DAB1: variants seen among roughly 807,000 people sequenced by gnomAD.
DAB1 encodes the protein disabled homolog 1.
DAB1 carries 15 observed loss-of-function variants against 64.6 expected under a neutral mutation model. That is an observed-to-expected ratio of 0.23 (90% CI 0.16 to 0.36). The LOEUF (loss-of-function observed/expected upper bound fraction) is 0.36. Ranked by LOEUF, DAB1 falls within the 10% of genes least tolerant of loss-of-function variation. The pLI, the probability that DAB1 is intolerant of heterozygous loss-of-function variation, is 1.00. For synonymous variants in DAB1, 235 were observed against 251.9 expected (o/e 0.93, Z 0.64); for missense variants, 596 against 706.7 (o/e 0.84, Z 1.78).
intron 7 of DAB1, among the ~76,000 whole-genome samples, chr1:57,497,083 C>T (rs1161872300): frequency 6.6e-6 from 1 of 152,172 alleles, no homozygotes; most frequent in East Asian, 1.9e-4. Context: ...TCCATATCAG[C>T]TTTCTCACTT....
Position 58,460,092 on chromosome 1 carries a change from C to T in DAB1, n.257+45968G>A, listed in dbSNP as rs190031164. ...AGAATTTGTGGACATATGTTGAAAC[C>T]ACCATAAACATGAACTGGGCTAAGT... On this transcript the variant is annotated intron_variant and non_coding_transcript_variant, in intron 3 of 20. Transcript: ENST00000485760. 1.2e-4 allele frequency among the ~76,000 whole-genome samples: 18 copies of T among 152,282 alleles called. No individual in the cohort carries two copies. In the East Asian group the frequency reaches 1.4e-3, roughly 11 times the overall value.
chr1:57,097,669 T>C (rs1480002086), intron 4 of DAB1, among the ~76,000 whole-genome samples: 1 of 152,222 alleles, frequency 6.6e-6, no homozygotes, highest in East Asian at 1.9e-4. Context: ...CCTAAACTAC[T>C]TTAAGTATTA....
At chr1:57,987,713 T>G (rs1646254378) in intron 5 of DAB1, among the ~76,000 whole-genome samples, 1 of 152,176 alleles carries the variant, frequency 6.6e-6, no homozygotes, top group Non-Finnish European at 1.5e-5. Flanking sequence ...TAATTACCAT[T>G]TATATAAGAT....
At chr1:57,018,228 A>G (rs1646496877) in intron 11 of DAB1, among the ~76,000 whole-genome samples, 1 of 152,158 alleles carries the variant, frequency 6.6e-6, no homozygotes, top group Non-Finnish European at 1.5e-5. Flanking sequence ...GGTGTTCACT[A>G]TTTTGGAAAA....
chr1:57,564,971 G>A (rs141379851), intron 7 of DAB1, among the ~76,000 whole-genome samples: 4,982 of 152,184 alleles, frequency 0.033, 309 homozygotes, highest in African/African-American at 0.11. Flanking sequence ...ACACATAATT[G>A]TCAGTTCACC....
intron 5 of DAB1, among the ~76,000 whole-genome samples, chr1:58,136,951 A>T (rs945432312): frequency 6.6e-5 from 10 of 152,178 alleles, no homozygotes; most frequent in African/African-American, 2.4e-5. Context: ...CCAATTGTAG[A>T]GACAAATAAA....
chr1:57,884,830 T>A, upstream of DAB1, among the ~76,000 whole-genome samples: 1 of 152,176 alleles, frequency 6.6e-6, no homozygotes, highest in East Asian at 1.9e-4. Flanking sequence ...GAGTGAGTTC[T>A]CGCTCTGTTA....
chr1:57,988,646 G>A (rs1031328376), intron 5 of DAB1, among the ~76,000 whole-genome samples: 1 of 152,072 alleles, frequency 6.6e-6, no homozygotes, highest in Non-Finnish European at 1.5e-5. Context: ...TTTAAGCACA[G>A]CCAGTGCTGA....
intron 2 of DAB1, among the ~76,000 whole-genome samples, chr1:58,523,989 C>T (rs1047203314): frequency 2.6e-5 from 4 of 151,966 alleles, no homozygotes; most frequent in African/African-American, 7.2e-5. Flanking sequence ...CCAGAAAAAG[C>T]GTTCTCATTG....
intron 2 of DAB1, among the ~76,000 whole-genome samples, chr1:57,284,127 G>A (rs1166128813): frequency 1.3e-5 from 2 of 152,152 alleles, no homozygotes; most frequent in East Asian, 1.9e-4. Flanking sequence ...ATATTTTAAT[G>A]AATAAAAATA....
chr1:58,056,148 T>A (rs1350152397), intron 5 of DAB1: 2 of 1,402,316 alleles, frequency 1.4e-6, no homozygotes, highest in Non-Finnish European at 2.0e-6. Context: ...TGGGCTTTGG[T>A]GGGGGACGTG....
At chr1:57,540,581 G>A (rs1456630162) in intron 7 of DAB1, among the ~76,000 whole-genome samples, 2 of 152,108 alleles carry the variant, frequency 1.3e-5, no homozygotes, top group Admixed American at 6.5e-5. Flanking sequence ...TAAAGAAAAT[G>A]TAGTATATTT....
chr1:57,921,137 T>C (rs758707067), intron 5 of DAB1, among the ~76,000 whole-genome samples: 4 of 152,218 alleles, frequency 2.6e-5, no homozygotes, highest in Non-Finnish European at 5.9e-5. Context: ...AGTATTTCTA[T>C]ATGTACTGGT....
intron 1 of DAB1, among the ~76,000 whole-genome samples, chr1:57,852,341 CTG>C (rs1451859610): frequency 6.6e-6 from 1 of 152,186 alleles, no homozygotes; most frequent in Non-Finnish European, 1.5e-5. Context: ...TTTTACATGA[CTG>C]TCTATTCTTC....
chr1:58,135,331 T>C (rs923528142), intron 5 of DAB1, among the ~76,000 whole-genome samples: 1 of 152,078 alleles, frequency 6.6e-6, no homozygotes, highest in African/African-American at 2.4e-5. Context: ...AATGAGGTTA[T>C]TATAGACAAT....
chr1:57,793,169 C>T (rs1371019687), intron 6 of DAB1, among the ~76,000 whole-genome samples: 5 of 152,182 alleles, frequency 3.3e-5, no homozygotes, highest in Non-Finnish European at 7.3e-5. Flanking sequence ...AGGTACAGAA[C>T]AGAGTGCATA....
At chr1:58,188,955 A>G (rs1657237279) in intron 4 of DAB1, among the ~76,000 whole-genome samples, 1 of 152,218 alleles carries the variant, frequency 6.6e-6, no homozygotes, top group Non-Finnish European at 1.5e-5. Context: ...ACAGCCACTA[A>G]TCAGGGTTTA....
chr1:58,078,947 C>G (rs17116840), intron 5 of DAB1, among the ~76,000 whole-genome samples: 13,674 of 152,184 alleles, frequency 0.09, 914 homozygotes, highest in African/African-American at 0.18. Context: ...GAAAGCATGA[C>G]ATTGTTACTG....
intron 6 of DAB1, among the ~76,000 whole-genome samples, chr1:57,799,791 C>G (rs907498735): frequency 3.3e-5 from 5 of 152,070 alleles, no homozygotes; most frequent in Non-Finnish European, 7.4e-5. Flanking sequence ...ATATGAAATT[C>G]AAATTTCAGA....
Sources: allele counts gnomAD v4.1 joint callset (sites outside exome capture counted in the v4.1 genomes callset), GRCh38; gene constraint gnomAD v4.1.1; transcripts MANE v1.5; gene names NCBI Gene and HGNC (gene_info 2026-07-23, HGNC 2026-07-21).